The following ADGRB3 variants were observed in gnomAD, a reference collection of about 807,000 sequenced individuals.
ADGRB3 encodes brain-specific angiogenesis inhibitor 3.
ADGRB3 carries 37 observed loss-of-function variants against 193.4 expected under a neutral mutation model. The observed-to-expected ratio is 0.19, with a 90% CI of 0.15 to 0.25. ADGRB3 has a LOEUF of 0.25. Ranked by LOEUF, ADGRB3 falls within the 10% of genes least tolerant of loss-of-function variation. The probability of loss-of-function intolerance (pLI) is 1.00; values close to 1 mark genes in which losing one functional copy is unlikely to be tolerated. For missense variants in ADGRB3, 1,637 were observed against 1,852.9 expected (o/e 0.88, Z 2.14); for synonymous variants, 690 against 644.2 (o/e 1.07, Z -1.08).
chr6:68,915,779 C>A (rs1766862260), intron 3 of ADGRB3, among the ~76,000 whole-genome samples: 1 of 151,110 alleles, frequency 6.6e-6, no homozygotes, highest in East Asian at 1.9e-4. Flanking sequence ...AAAAAAAAAA[C>A]TACCCAAGAA....
intron 3 of ADGRB3, among the ~76,000 whole-genome samples, chr6:68,838,027 A>C (rs1768077924): frequency 1.3e-5 from 2 of 152,182 alleles, no homozygotes; most frequent in Non-Finnish European, 2.9e-5. Flanking sequence ...TGGAAAAAAA[A>C]ATCAGAGGAA....
intron 11 of ADGRB3, among the ~76,000 whole-genome samples, chr6:69,002,139 T>C (rs144486935): frequency 6.6e-6 from 1 of 152,238 alleles, no homozygotes; most frequent in African/African-American, 2.4e-5. Context: ...GACTATATTC[T>C]AAACGAATGA....
At chr6:69,046,930 T>A (rs750419391) in intron 13 of ADGRB3, among the ~76,000 whole-genome samples, 13 of 152,194 alleles carry the variant, frequency 8.5e-5, no homozygotes, top group Admixed American at 1.3e-4. Context: ...TGATCTCAGC[T>A]CACTGCAAGC....
intron 26 of ADGRB3, among the ~76,000 whole-genome samples, chr6:69,345,168 C>T (rs1769058757): frequency 6.6e-6 from 1 of 152,104 alleles, no homozygotes; most frequent in South Asian, 2.1e-4. Context: ...AAATAGATTT[C>T]AAAGTTCATA....
intron 3 of ADGRB3, among the ~76,000 whole-genome samples, chr6:68,921,446 TGAA>T (rs1156958030): frequency 1.3e-5 from 2 of 152,176 alleles, no homozygotes; most frequent in East Asian, 1.9e-4. Flanking sequence ...TAGATTCAGA[TGAA>T]GAAGAGTTAA....
intron 17 of ADGRB3, among the ~76,000 whole-genome samples, chr6:69,185,251 G>T (rs998853942): frequency 6.6e-6 from 1 of 152,056 alleles, no homozygotes; most frequent in Non-Finnish European, 1.5e-5. Flanking sequence ...TGAAAAAAAT[G>T]CAGGTGACCT....
chr6:68,722,269 G>A (rs1765597269), intron 3 of ADGRB3, among the ~76,000 whole-genome samples: 1 of 151,706 alleles, frequency 6.6e-6, no homozygotes. Flanking sequence ...AGTGGGAATT[G>A]AACAATGAGA....
At chr6:68,653,294 G>T (rs1768414018) in intron 3 of ADGRB3, among the ~76,000 whole-genome samples, 1 of 152,162 alleles carries the variant, frequency 6.6e-6, no homozygotes, top group Admixed American at 6.6e-5. Context: ...GAAGTTAGGG[G>T]TTGGTGGTGT....
chr6:69,202,377 G>A (rs1354374181), intron 17 of ADGRB3, among the ~76,000 whole-genome samples: 1 of 151,914 alleles, frequency 6.6e-6, no homozygotes, highest in East Asian at 1.9e-4. Context: ...CTTATATTTA[G>A]GGCATTAACA....
chr6:69,134,783 T>A (rs1404698250), intron 17 of ADGRB3, among the ~76,000 whole-genome samples: 2 of 151,746 alleles, frequency 1.3e-5, no homozygotes, highest in Non-Finnish European at 2.9e-5. Flanking sequence ...CCTAAAATAA[T>A]TGGAGAATAA....
chr6:68,902,822 T>A (rs186642750), intron 3 of ADGRB3, among the ~76,000 whole-genome samples: 1 of 152,280 alleles, frequency 6.6e-6, no homozygotes, highest in Non-Finnish European at 1.5e-5. Context: ...CTAAAAGGAC[T>A]AGACACTGAT....
intron 17 of ADGRB3, among the ~76,000 whole-genome samples, chr6:69,114,150 C>T (rs1211883712): frequency 1.3e-5 from 2 of 152,134 alleles, no homozygotes; most frequent in South Asian, 2.1e-4. Flanking sequence ...TGTCCTAAGT[C>T]CTTCACATTT....
At chr6:69,270,626 C>T (rs1767153010) in intron 20 of ADGRB3, among the ~76,000 whole-genome samples, 1 of 151,988 alleles carries the variant, frequency 6.6e-6, no homozygotes, top group African/African-American at 2.4e-5. Flanking sequence ...TGAGTAAAAC[C>T]TCAAATATAT....
intron 3 of ADGRB3, among the ~76,000 whole-genome samples, chr6:68,652,699 G>A (rs2097918893): frequency 6.6e-6 from 1 of 152,010 alleles, no homozygotes; most frequent in Admixed American, 6.6e-5. Flanking sequence ...TAATACATTT[G>A]GGTGGTATTC....
At chr6:68,729,801 C>G (rs1194087111) in intron 3 of ADGRB3, among the ~76,000 whole-genome samples, 2 of 151,424 alleles carry the variant, frequency 1.3e-5, no homozygotes, top group African/African-American at 4.8e-5. Flanking sequence ...TATTGATTCC[C>G]CATTTACAAA....
chr6:68,720,011 A>G (rs1450275493), intron 3 of ADGRB3, among the ~76,000 whole-genome samples: 1 of 151,730 alleles, frequency 6.6e-6, no homozygotes, highest in Non-Finnish European at 1.5e-5. Flanking sequence ...GGTAATTACC[A>G]TTGTTCCACT....
intron 20 of ADGRB3, among the ~76,000 whole-genome samples, chr6:69,261,272 A>T (rs1400931119): frequency 6.6e-6 from 1 of 152,136 alleles, no homozygotes; most frequent in Admixed American, 6.6e-5. Flanking sequence ...GTTAGAACTG[A>T]TAGAATTTCA....
At chr6:68,984,351 G>A (rs1398781395) in intron 10 of ADGRB3, among the ~76,000 whole-genome samples, 1 of 152,070 alleles carries the variant, frequency 6.6e-6, no homozygotes, top group Non-Finnish European at 1.5e-5. Context: ...GGAAGGCAGG[G>A]CCATGAGGAA....
intron 24 of ADGRB3, among the ~76,000 whole-genome samples, chr6:69,338,209 G>A (rs527649686): frequency 1.3e-5 from 2 of 152,192 alleles, no homozygotes; most frequent in South Asian, 4.2e-4. Context: ...AATACTAGGA[G>A]GTTGGAGTCT....
Sources: allele counts gnomAD v4.1 joint callset (sites outside exome capture counted in the v4.1 genomes callset), GRCh38; gene constraint gnomAD v4.1.1; transcripts MANE v1.5; gene names NCBI Gene and HGNC (gene_info 2026-07-23, HGNC 2026-07-21).